The following PRKG1 variants were observed in gnomAD, a reference collection of about 807,000 sequenced individuals.
The protein encoded by PRKG1 is cGMP-dependent protein kinase 1.
PRKG1 carries 35 observed loss-of-function variants against 88.1 expected under a neutral mutation model. The ratio of observed to expected loss-of-function variants is 0.40; its 90% CI spans 0.30 to 0.53. The LOEUF (loss-of-function observed/expected upper bound fraction) is 0.53. PRKG1 is among the 20% of genes least tolerant of loss of function. The pLI, the probability that PRKG1 is intolerant of heterozygous loss-of-function variation, is 0.59. For missense variants in PRKG1, 540 were observed against 839.8 expected, an observed-to-expected ratio of 0.64 and a Z score of 4.41; for synonymous variants, 303 against 292.5, an observed-to-expected ratio of 1.04 and a Z score of -0.37.
chr10:51,228,900 G>A (rs545293558), intron 2 of PRKG1, among the ~76,000 whole-genome samples: 2 of 152,198 alleles, frequency 1.3e-5, no homozygotes, highest in East Asian at 1.9e-4. Context: ...GTATAACCAC[G>A]CTTTGCCCTG....
chr10:51,813,242 A>G (rs1839502384), intron 4 of PRKG1, among the ~76,000 whole-genome samples: 1 of 152,238 alleles, frequency 6.6e-6, no homozygotes. Flanking sequence ...GTCATTGGCA[A>G]AAAAGCATAA....
chr10:51,037,213 C>T (rs1354394560), intron 1 of PRKG1, among the ~76,000 whole-genome samples: 4 of 151,522 alleles, frequency 2.6e-5, no homozygotes, highest in South Asian at 2.1e-4. Context: ...TTTGGGAGGC[C>T]GAGGCAGGAG....
At chr10:51,490,047 G>T (rs994012177) in intron 3 of PRKG1, among the ~76,000 whole-genome samples, 1 of 152,036 alleles carries the variant, frequency 6.6e-6, no homozygotes, top group African/African-American at 2.4e-5. Flanking sequence ...CAAGTGATCA[G>T]TTTCATTTCT....
chr10:51,677,606 C>T (rs2132360882), intron 3 of PRKG1, among the ~76,000 whole-genome samples: 1 of 152,288 alleles, frequency 6.6e-6, no homozygotes, highest in African/African-American at 2.4e-5. Context: ...TCGCCAGTGT[C>T]TAAACAAGTA....
chr10:51,756,832 T>TA (rs1433962207), intron 3 of PRKG1, among the ~76,000 whole-genome samples: 1 of 151,044 alleles, frequency 6.6e-6, no homozygotes, highest in Non-Finnish European at 1.5e-5. Flanking sequence ...AATAAATAAA[T>TA]AAATAAAATA....
At chr10:51,367,315 T>C (rs1239640105) in intron 2 of PRKG1, among the ~76,000 whole-genome samples, 1 of 152,002 alleles carries the variant, frequency 6.6e-6, no homozygotes, top group Non-Finnish European at 1.5e-5. Context: ...AGAGTGTTTT[T>C]GGCAACAGGG....
At chr10:51,361,033 G>A (rs1842469656) in intron 2 of PRKG1, among the ~76,000 whole-genome samples, 1 of 151,750 alleles carries the variant, frequency 6.6e-6, no homozygotes, top group African/African-American at 2.4e-5. Flanking sequence ...ATATTTAAGG[G>A]CACTTATCAG....
chr10:52,138,595 C>A (rs535651868), intron 8 of PRKG1, among the ~76,000 whole-genome samples: 4 of 152,124 alleles, frequency 2.6e-5, no homozygotes, highest in African/African-American at 9.6e-5. Context: ...CTGATGATGT[C>A]CCTACCATCA....
At chr10:52,045,445 G>T (rs1002584880) in intron 5 of PRKG1, among the ~76,000 whole-genome samples, 1 of 152,138 alleles carries the variant, frequency 6.6e-6, no homozygotes, top group African/African-American at 2.4e-5. Context: ...GCAAGGCAAA[G>T]TTCAAGGTGA....
intron 5 of PRKG1, among the ~76,000 whole-genome samples, chr10:52,043,329 T>C (rs531723806): frequency 3.3e-5 from 5 of 152,088 alleles, no homozygotes; most frequent in Non-Finnish European, 7.4e-5. Context: ...TAAATAGTGC[T>C]GCAATGAAGG....
intron 2 of PRKG1, among the ~76,000 whole-genome samples, chr10:51,208,293 T>C (rs1353144604): frequency 6.6e-6 from 1 of 152,178 alleles, no homozygotes; most frequent in Non-Finnish European, 1.5e-5. Flanking sequence ...TGATACCGGT[T>C]ATGTAATATT....
intron 3 of PRKG1, among the ~76,000 whole-genome samples, chr10:51,799,151 G>A (rs1035409792): frequency 6.6e-6 from 1 of 151,842 alleles, no homozygotes; most frequent in Admixed American, 6.6e-5. Flanking sequence ...TTCTACATCG[G>A]TCTTTCTTCC....
At chr10:51,211,941 T>C (rs1470403048) in intron 2 of PRKG1, among the ~76,000 whole-genome samples, 2 of 152,184 alleles carry the variant, frequency 1.3e-5, no homozygotes, top group African/African-American at 4.8e-5. Context: ...AACAATGACT[T>C]TCTTCACAGA....
intron 3 of PRKG1, among the ~76,000 whole-genome samples, chr10:51,738,773 C>T (rs529990311): frequency 5.3e-5 from 8 of 152,184 alleles, no homozygotes; most frequent in African/African-American, 1.9e-4. Context: ...AACTTCAATC[C>T]CCCCTTTTAA....
rs555654395 is a variant in PRKG1, at chr10:50,991,696, G to C, written c.266+52G>C. On this transcript the variant is annotated intron_variant, in intron 1 of 17. Coordinates refer to the PRKG1 transcript ENST00000401604. This position sits in a 1 kb window ranked among gnomAD's most constrained non-coding sequence, Gnocchi z 4.5. Reference sequence around the variant, plus strand: ...CGCTCGTCCCGGCCCGCGGCGCAGAGGCTGGGGGCTCTGGCCGCGGCGGCG... The same window carrying C: ...CGCTCGTCCCGGCCCGCGGCGCAGACGCTGGGGGCTCTGGCCGCGGCGGCG... 3.2e-3 allele frequency: 3,886 copies of C among 1,224,034 alleles called. 16 individuals carry two copies. Among genetic ancestry groups the C allele is most frequent in the Non-Finnish European group, 3.2e-3 (3,151 of 976,316 alleles). 75.8% of individuals were successfully genotyped at this position (1,224,034 alleles called of 1,614,324 possible).
At chr10:51,942,423 G>GTTTC (rs1156924511) in intron 5 of PRKG1, among the ~76,000 whole-genome samples, 2 of 150,248 alleles carry the variant, frequency 1.3e-5, no homozygotes, top group Non-Finnish European at 3.0e-5. Flanking sequence ...TCTGATGGTA[G>GTTTC]TTTCTTTTGC....
At chr10:51,773,270 T>C (rs187318839) in intron 3 of PRKG1, among the ~76,000 whole-genome samples, 1 of 152,240 alleles carries the variant, frequency 6.6e-6, no homozygotes, top group East Asian at 1.9e-4. Flanking sequence ...CCAGGTAAAC[T>C]GTTTCTTCGA....
In PRKG1 at chr10:51,129,669, G is replaced by T. The variant is rs376903296; in HGVS notation, c.312-23495G>T. 7.2e-5 allele frequency among the ~76,000 whole-genome samples: 11 copies of T among 152,262 alleles called. No homozygotes were observed. The South Asian group carries it at 2.3e-3, about 32-fold the overall frequency. On this transcript the variant is annotated intron_variant, in intron 1 of 17. Coordinates refer to ENST00000373980, the MANE Select transcript of PRKG1 (RefSeq NM_006258.4). Reference sequence around the variant, plus strand: ...AAACTTGGATATGACACAAACTAGAGATCTACAAGTCAGATTGGAACCATG... The same window carrying T: ...AAACTTGGATATGACACAAACTAGATATCTACAAGTCAGATTGGAACCATG...
intron 3 of PRKG1, among the ~76,000 whole-genome samples, chr10:51,702,566 C>T (rs563456155): frequency 8.5e-5 from 13 of 152,208 alleles, no homozygotes; most frequent in East Asian, 1.9e-4. Flanking sequence ...TATGTCCAGA[C>T]GTTGATTCTT....
Sources: gnomAD v4.1 joint callset for allele counts (sites outside exome capture counted in the v4.1 genomes callset) on GRCh38, gnomAD v4.1.1 for gene constraint, Gnocchi (gnomAD v3.1) non-coding constraint, MANE v1.5 for transcripts, NCBI Gene and HGNC (gene_info 2026-07-23, HGNC 2026-07-21) for gene names.